DUSP26: variants seen among roughly 807,000 people sequenced by gnomAD.
DUSP26 encodes the protein dual specificity protein phosphatase 26.
A neutral mutation model predicts 20.0 loss-of-function variants in DUSP26; 12 were observed. The ratio of observed to expected loss-of-function variants is 0.60; its 90% confidence interval spans 0.38 to 0.97. DUSP26 has a LOEUF of 0.97. Ranked by LOEUF, DUSP26 falls within the 50% of genes least tolerant of loss-of-function variation. DUSP26 has a pLI of 0.00. For synonymous variants in DUSP26, 120 were observed against 118.8 expected (o/e 1.01, Z -0.06); for missense variants, 230 against 294.0 (o/e 0.78, Z 1.59).
chr8:33,593,196 T>C (rs564957605), intron 3 of DUSP26, among the ~76,000 whole-genome samples: 4 of 152,140 alleles, frequency 2.6e-5, no homozygotes, highest in African/African-American at 9.6e-5. Flanking sequence ...CGCTTGAACC[T>C]GGGAGGCGGA....
intron 3 of DUSP26, among the ~76,000 whole-genome samples, chr8:33,592,693 G>A (rs1811050525): frequency 6.6e-6 from 1 of 152,110 alleles, no homozygotes; most frequent in African/African-American, 2.4e-5. Flanking sequence ...CAGAATGAGA[G>A]GAAGGGGACA....
rs1811177743 is a variant in DUSP26, at chr8:33,597,521, A to G, written c.-6T>C. On this transcript the variant is annotated 5_prime_UTR_variant, in exon 2 of 4. Transcript: ENST00000256261. ...AGCCAGTTACCAGGGCACATCTTAG[A>G]GGTGGCAGAAACCGTGGCAGCTGCA... is the stretch of plus-strand genomic sequence containing the variant. The G allele has an allele frequency of 2.5e-6, 4 of 1,601,996 alleles. No homozygotes were observed. In the East Asian group the frequency reaches 8.9e-5, roughly 36 times the overall value.
intron 2 of DUSP26, among the ~76,000 whole-genome samples, chr8:33,595,784 C>T (rs1390117254): frequency 6.6e-6 from 1 of 152,130 alleles, no homozygotes; most frequent in Non-Finnish European, 1.5e-5. Flanking sequence ...TCAGGGCAAA[C>T]TGAGTTGCCC....
intron 1 of DUSP26, among the ~76,000 whole-genome samples, chr8:33,598,865 ACTT>A (rs1409490151): frequency 1.1e-4 from 17 of 151,652 alleles, no homozygotes; most frequent in Admixed American, 2.6e-4. Flanking sequence ...TGCCAGGGGG[ACTT>A]CAACTCTATG....
At chr8:33,599,146 TACCACCATC>T (rs1436474378) in intron 1 of DUSP26, among the ~76,000 whole-genome samples, 2 of 141,818 alleles carry the variant, frequency 1.4e-5, no homozygotes, top group Admixed American at 1.4e-4. Flanking sequence ...CCATCATCAC[TACCACCATC>T]ACCACCATCA....
rs1489148030 is a variant in DUSP26, at chr8:33,592,193, A to G, written c.456T>C (p.Cys152=). Residue 152 remains cysteine (C), a synonymous_variant, in exon 4 of 4, where the codon TGT becomes TGC. Transcript: ENST00000256261. The part of the protein sequence containing the change: ...SQPGGKILVH[C]AVGVSRSATL... ...TGGCGGATCGGCTCACGCCCACAGC[A>G]CAATGCACCAGGATCTTCCCTGAGA... 4 of 1,611,394 alleles carry G rather than the reference A, an allele frequency of 2.5e-6. No individual in the cohort carries two copies. The South Asian group carries it at 3.3e-5, about 13-fold the overall frequency.
intron 3 of DUSP26, among the ~76,000 whole-genome samples, chr8:33,592,570 G>A (rs373394614): frequency 5.6e-5 from 8 of 141,806 alleles, no homozygotes; most frequent in African/African-American, 1.9e-4. Context: ...AAAAAAGGGT[G>A]ACATGGACAG....
rs754649348 is a variant in DUSP26 at position 33,593,660 on chromosome 8, G to T, written c.309C>A (p.Pro103=). Residue 103 remains proline (P), a synonymous_variant, in exon 3 of 4, where the codon CCC becomes CCA. Transcript: ENST00000256261. ...GGATGCCCAGCCCCTCATAGGCCTCGGGCGTGCCTCGCCACCGGCTGTGTG... is the reference window on the plus strand; with the variant it reads ...GGATGCCCAGCCCCTCATAGGCCTCTGGCGTGCCTCGCCACCGGCTGTGTG... ...NASHSRWRGT[P]EAYEGLGIRY... is the part of the protein sequence containing the mutation. The T allele has an allele frequency of 4.2e-5, 68 of 1,614,040 alleles. No homozygotes were observed. Among genetic ancestry groups the T allele is most frequent in the Non-Finnish European group, 5.3e-5 (62 of 1,180,044 alleles).
chr8:33,593,476 G>T, intron 3 of DUSP26, 57 bp downstream of exon 3: 1 of 1,581,326 alleles, frequency 6.3e-7, no homozygotes, highest in South Asian at 1.1e-5. Context: ...CAGACCCTTG[G>T]ACTTCCCCAA....
intron 1 of DUSP26, among the ~76,000 whole-genome samples, chr8:33,598,265 T>A (rs1175664617): frequency 6.6e-6 from 1 of 152,144 alleles, no homozygotes; most frequent in Non-Finnish European, 1.5e-5. Flanking sequence ...CATGAGCTTA[T>A]GGAAGAAGGC....
At position 33,592,034 on chromosome 8, in the gene DUSP26, C is replaced by T; in HGVS notation, c.615G>A (p.Leu205=). 6.2e-7 allele frequency: 1 copy of T among 1,613,890 alleles called. No homozygotes were observed. The highest frequency in any genetic ancestry group is 8.5e-7 in the Non-Finnish European group (1 of 1,180,008). The part of the protein sequence containing the change: ...LRQLLALDRR[L]RQGLEA ...CCCCTCATGCTTCCAGACCCTGCCG[C>T]AGCCTGCGGTCCAGGGCCAGGAGCT... Residue 205 remains leucine (L), a synonymous_variant, in exon 4 of 4, where the codon CTG becomes CTA. Coordinates refer to ENST00000256261, the MANE Select transcript of DUSP26 (RefSeq NM_024025.3).
Position 33,595,358 on chromosome 8 carries a change from T to TTTTTTTG in DUSP26, c.222-1612_222-1611insCAAAAAA, listed in dbSNP as rs3085245. 2.1e-4 allele frequency among the ~76,000 whole-genome samples: 31 copies of TTTTTTTG among 151,158 alleles called. No homozygotes were observed. The East Asian group carries it at 2.9e-3, about 14-fold the overall frequency. ...CACATTTACTGTGACTGTGTTTTTT[T>TTTTTTTG]TTGTTGTTGTTGTTGTTGTTTGTTT... is the stretch of plus-strand genomic sequence containing the variant. On this transcript the variant is annotated intron_variant, in intron 2 of 3. Coordinates refer to ENST00000256261, the MANE Select transcript of DUSP26 (RefSeq NM_024025.3).
Position 33,592,192 on chromosome 8 carries a change from C to A in DUSP26, c.457G>T (p.Ala153Ser). ...GTGGCGGATCGGCTCACGCCCACAG[C>A]ACAATGCACCAGGATCTTCCCTGAG... ...QPGGKILVHC[A>S]VGVSRSATLV... Residue 153 changes from alanine (A) to serine (S), a missense_variant, in exon 4 of 4, where the codon GCT becomes TCT. Coordinates refer to ENST00000256261, the MANE Select transcript of DUSP26 (RefSeq NM_024025.3). 6.2e-7 allele frequency: 1 copy of A among 1,611,116 alleles called. No homozygotes were observed. Among genetic ancestry groups the A allele is most frequent in the South Asian group, 1.1e-5 (1 of 90,652 alleles).
In DUSP26 at chr8:33,597,422, G is replaced by A. The variant is rs1160332173; in HGVS notation, c.94C>T (p.Leu32=). 6.2e-7 allele frequency: 1 copy of A among 1,614,158 alleles called. No individual in the cohort carries two copies. Among genetic ancestry groups the A allele is most frequent in the East Asian group, 2.2e-5 (1 of 44,876 alleles). The change falls in exon 2 of 4, where the codon CTG becomes TTG. Residue 32 remains leucine, a synonymous_variant. Coordinates refer to ENST00000256261, the MANE Select transcript of DUSP26 (RefSeq NM_024025.3). ...SRSPVRTRGT[L]EEMPTVQHPF... is the part of the protein sequence containing the mutation. Reference sequence around the variant, plus strand: ...TGTTGAACGGTTGGCATCTCCTCCAGGGTCCCTCGAGTTCGAACAGGAGAC... The same window carrying A: ...TGTTGAACGGTTGGCATCTCCTCCAAGGTCCCTCGAGTTCGAACAGGAGAC...
At chr8:33,592,340 G>A in intron 3 of DUSP26, 128 bp from the exon 4 acceptor site, 1 of 874,686 alleles carries the variant, frequency 1.1e-6, no homozygotes, top group Non-Finnish European at 1.7e-6. Flanking sequence ...GGAGGCCGAA[G>A]GGGGAAGATT....
chr8:33,598,081 C>T (rs2128847521), intron 1 of DUSP26, among the ~76,000 whole-genome samples: 1 of 152,240 alleles, frequency 6.6e-6, no homozygotes, highest in Admixed American at 6.5e-5. Flanking sequence ...GGCCATGACA[C>T]ATGTCAGGCC....
At chr8:33,597,619 C>T in intron 1 of DUSP26, 28 bp from the exon 2 acceptor site, 1 of 958,000 alleles carries the variant, frequency 1.0e-6, no homozygotes, top group South Asian at 1.6e-5. Context: ...GTGAGACACA[C>T]TTGAGTGAGT....
chr8:33,597,674 G>A (rs1811180629), intron 1 of DUSP26, 83 bp from the exon 2 acceptor site: 3 of 622,052 alleles, frequency 4.8e-6, no homozygotes, highest in Non-Finnish European at 8.2e-6. Flanking sequence ...TTCGGGAGAA[G>A]ATTCTCGAGG....
Position 33,597,327 on chromosome 8 carries a change from G to A in DUSP26, c.189C>T (p.Asp63=), listed in dbSNP as rs751685161. The A allele has an allele frequency of 3.7e-6, 6 of 1,613,454 alleles. No homozygotes were observed. The South Asian group carries it at 4.4e-5, about 12-fold the overall frequency. ...CGAGATAGAGGCCTGGCCAGACCTC[G>A]TCGGCATGGTTACAGGCTGTCTTGC... is the stretch of plus-strand genomic sequence containing the variant. ...YTGKTACNHA[D]EVWPGLYLGD... The change falls in exon 2 of 4, where the codon GAC becomes GAT. Residue 63 remains aspartate, a synonymous_variant. Transcript: ENST00000256261.
Sources: allele counts gnomAD v4.1 joint callset (sites outside exome capture counted in the v4.1 genomes callset), GRCh38; gene constraint gnomAD v4.1.1; transcripts MANE v1.5; gene names NCBI Gene and HGNC (gene_info 2026-07-23, HGNC 2026-07-21).